Variants in FOXK1 observed in about 807,000 individuals in gnomAD.
The protein encoded by FOXK1 is forkhead box protein K1.
A neutral mutation model predicts 51.9 loss-of-function variants in FOXK1; 19 were observed. That is an observed-to-expected ratio of 0.37 (90% CI 0.26 to 0.54). The LOEUF (loss-of-function observed/expected upper bound fraction) is 0.54, where lower values mean the gene tolerates loss of function less well. FOXK1 is among the 20% of genes least tolerant of loss of function. FOXK1 has a pLI of 0.87. For missense variants in FOXK1, 870 were observed against 1,032.7 expected (o/e 0.84, Z 2.16); for synonymous variants, 537 against 482.6 (o/e 1.11, Z -1.48).
chr7:4,712,002 A>C (rs944016420), intron 1 of FOXK1, among the ~76,000 whole-genome samples: 1 of 150,614 alleles, frequency 6.6e-6, no homozygotes, highest in African/African-American at 2.4e-5. Context: ...GAGCCCACCA[A>C]GTCCGAAGCT....
In FOXK1 at chr7:4,756,999, T is replaced by C. The variant is rs1274455911; in HGVS notation, c.1056T>C (p.Ser352=). The change falls in exon 5 of 9, where the codon TCT becomes TCC. Residue 352 remains serine (S), a synonymous_variant. Transcript: ENST00000328914. The surrounding 1 kb of genome is among the most constrained non-coding windows in gnomAD (Gnocchi z 4.1). ...YRTADKGWQN[S]IRHNLSLNRY... ...ATATCTCTGCTTCCCTGCAGAATTC[T>C]ATCCGGCACAACCTCTCTTTGAACC... 6.2e-7 allele frequency: 1 copy of C among 1,613,516 alleles called. No homozygotes were observed. The highest frequency in any genetic ancestry group is 1.7e-5 in the Admixed American group (1 of 60,006).
At chr7:4,738,388 G>A (rs936548715) in intron 1 of FOXK1, among the ~76,000 whole-genome samples, 2 of 151,028 alleles carry the variant, frequency 1.3e-5, no homozygotes, top group Non-Finnish European at 2.9e-5. Flanking sequence ...AGTGAGCCAA[G>A]ATTGCGCCAT....
At chr7:4,704,881 G>C (rs144723411) in intron 1 of FOXK1, among the ~76,000 whole-genome samples, 2 of 142,794 alleles carry the variant, frequency 1.4e-5, no homozygotes, top group South Asian at 4.2e-4. Context: ...ACCCAGGCTG[G>C]AGTGCAGTGG....
At chr7:4,716,655 G>A (rs533143783) in intron 1 of FOXK1, among the ~76,000 whole-genome samples, 2 of 152,250 alleles carry the variant, frequency 1.3e-5, no homozygotes, top group African/African-American at 2.4e-5. Context: ...TCAAGACCCA[G>A]TGCTGCTCTT....
chr7:4,735,780 C>G lies in FOXK1; in HGVS notation c.561-5058C>G, dbSNP rs540570659. ...CAAAACGTGCTCGTTCAGACTCCAG[C>G]TAGAGCCCTGCACCTCCATCAAGAT... On this transcript the variant is annotated intron_variant, in intron 1 of 8. Coordinates refer to ENST00000328914, the MANE Select transcript of FOXK1 (RefSeq NM_001037165.2). The surrounding 1 kb of genome is among the most constrained non-coding windows in gnomAD (Gnocchi z 4.7). 2.6e-5 allele frequency among the ~76,000 whole-genome samples: 4 copies of G among 152,214 alleles called. No individual in the cohort carries two copies. Among genetic ancestry groups the G allele is most frequent in the Non-Finnish European group, 4.4e-5 (3 of 68,044 alleles).
At chr7:4,738,546 C>T (rs1026886006) in intron 1 of FOXK1, among the ~76,000 whole-genome samples, 2 of 152,124 alleles carry the variant, frequency 1.3e-5, no homozygotes. Flanking sequence ...GGACATCAGA[C>T]GTTCCTCTCA....
At chr7:4,705,705 A>G (rs1780080901) in intron 1 of FOXK1, among the ~76,000 whole-genome samples, 1 of 150,668 alleles carries the variant, frequency 6.6e-6, no homozygotes, top group Non-Finnish European at 1.5e-5. Flanking sequence ...TGCCCGGCTA[A>G]TTTTTGTATT....
intron 1 of FOXK1, among the ~76,000 whole-genome samples, chr7:4,713,938 T>C (rs1279240823): frequency 6.6e-6 from 1 of 151,976 alleles, no homozygotes; most frequent in Non-Finnish European, 1.5e-5. Flanking sequence ...TGATTTCTCC[T>C]GCCTCAGCCT....
Position 4,682,559 on chromosome 7 carries a change from C to A in FOXK1, c.251C>A (p.Ala84Glu). The A allele has an allele frequency of 8.5e-7, 1 of 1,172,048 alleles. No homozygotes were observed. The highest frequency in any genetic ancestry group is 1.0e-6 in the Non-Finnish European group (1 of 952,644). 72.6% of individuals were successfully genotyped at this position (1,172,048 alleles called of 1,614,324 possible). A position where few individuals can be genotyped will look rare whatever the true frequency, so the allele number is the denominator to read the frequency against. ...GGGGTATCCGGGGACTCCGCGGTCG[C>A]GGGCGCGGCGCCGGCCCTGGTGGCC... ...SSGVSGDSAVAGAAPALVAAA... is the reference protein window; with the variant it reads ...SSGVSGDSAVEGAAPALVAAA... The change falls in exon 1 of 9, where the codon GCG becomes GAG. Residue 84 changes from alanine to glutamate, a missense_variant. Around this residue, in one of 3 missense-constraint regions of FOXK1, gnomAD observed 399 missense variants for 475.6 expected, o/e 0.84. Coordinates refer to ENST00000328914, the MANE Select transcript of FOXK1 (RefSeq NM_001037165.2). The surrounding 1 kb of genome is among the most constrained non-coding windows in gnomAD (Gnocchi z 7.6).
intron 1 of FOXK1, among the ~76,000 whole-genome samples, chr7:4,691,472 T>G (rs578017635): frequency 1.5e-4 from 23 of 152,058 alleles, no homozygotes; most frequent in African/African-American, 4.8e-4. Flanking sequence ...GTAGCTGGAG[T>G]TACAGGTGCC....
At chr7:4,712,837 A>G (rs1780191827) in intron 1 of FOXK1, among the ~76,000 whole-genome samples, 1 of 152,198 alleles carries the variant, frequency 6.6e-6, no homozygotes, top group African/African-American at 2.4e-5. Flanking sequence ...CAGCGGCGTG[A>G]TGAGGATGGA....
In FOXK1 at chr7:4,765,935, ACTCT is replaced by A. The variant is rs1327848176; in HGVS notation, c.*3475_*3478del. The A allele has an allele frequency of 6.6e-6, 1 of 152,012 alleles. No individual in the cohort carries two copies. Among genetic ancestry groups the A allele is most frequent in the Non-Finnish European group, 1.5e-5 (1 of 68,014 alleles). The allele number at this position is 152,012 out of a possible 1,614,324, so 9.4% of individuals were successfully genotyped here. ...TAGGGCAGCAGCTGGCTCAGGGCAC[ACTCT>A]CTCGTGCCAGCTTCTGCCACCAGCC... On this transcript the variant is annotated 3_prime_UTR_variant, in exon 9 of 9. Transcript: ENST00000328914.
intron 1 of FOXK1, among the ~76,000 whole-genome samples, chr7:4,701,690 A>G (rs1158233299): frequency 6.6e-6 from 1 of 152,186 alleles, no homozygotes; most frequent in African/African-American, 2.4e-5. Flanking sequence ...TCAGGAGATC[A>G]AGACCATCCT....
At chr7:4,701,206 C>T (rs937797761) in intron 1 of FOXK1, among the ~76,000 whole-genome samples, 7 of 152,172 alleles carry the variant, frequency 4.6e-5, no homozygotes. Context: ...GGTTTGTTTT[C>T]TTGTGTTTTT....
At chr7:4,701,371 A>G (rs1000572911) in intron 1 of FOXK1, among the ~76,000 whole-genome samples, 7 of 152,206 alleles carry the variant, frequency 4.6e-5, no homozygotes, top group African/African-American at 1.7e-4. Context: ...TTTGATCTCA[A>G]AACAGTTCCC....
Position 4,711,167 on chromosome 7 carries a change from A to G in FOXK1, c.560+28299A>G, listed in dbSNP as rs1780169327. Among the ~76,000 whole-genome samples, 1 of 152,150 alleles carries G rather than the reference A, an allele frequency of 6.6e-6. No homozygotes were observed. The highest frequency in any genetic ancestry group is 1.9e-4 in the East Asian group (1 of 5,178). ...TACTCAAGCATGATGTCCGTTCCTGATGCCTTGCCCCGGGCAGCATGTGCC... is the reference window on the plus strand; with the variant it reads ...TACTCAAGCATGATGTCCGTTCCTGGTGCCTTGCCCCGGGCAGCATGTGCC... On this transcript the variant is annotated intron_variant, in intron 1 of 8. Transcript: ENST00000328914. This position sits in a 1 kb window ranked among gnomAD's most constrained non-coding sequence, Gnocchi z 6.3.
In FOXK1 at chr7:4,765,633, G is replaced by A. The variant is rs896292350; in HGVS notation, c.*3169G>A. 6.6e-6 allele frequency: 1 copy of A among 152,354 alleles called. No homozygotes were observed. 9.4% of individuals were successfully genotyped at this position (152,354 alleles called of 1,614,324 possible). A position where few individuals can be genotyped will look rare whatever the true frequency, so the allele number is the denominator to read the frequency against. ...ACTGGGGGCACGGTCCACAGCGGATGAGAACAGCAGGTCACAGTAGTGGCT... is the reference window on the plus strand; with the variant it reads ...ACTGGGGGCACGGTCCACAGCGGATAAGAACAGCAGGTCACAGTAGTGGCT... On this transcript the variant is annotated 3_prime_UTR_variant, in exon 9 of 9. Coordinates refer to ENST00000328914, the MANE Select transcript of FOXK1 (RefSeq NM_001037165.2).
At chr7:4,701,739 A>G (rs1448987632) in intron 1 of FOXK1, among the ~76,000 whole-genome samples, 1 of 152,178 alleles carries the variant, frequency 6.6e-6, no homozygotes, top group Non-Finnish European at 1.5e-5. Flanking sequence ...TAAAAATACA[A>G]AAAATTAGCC....
chr7:4,732,632 A>G (rs1780493151), intron 1 of FOXK1, among the ~76,000 whole-genome samples: 1 of 152,206 alleles, frequency 6.6e-6, no homozygotes, highest in African/African-American at 2.4e-5. Context: ...GCATAGTTTT[A>G]AATGGCCATA....
Sources: allele counts gnomAD v4.1 joint callset (sites outside exome capture counted in the v4.1 genomes callset), GRCh38; gene constraint gnomAD v4.1.1; regional missense constraint gnomAD v4.1.1; non-coding constraint Gnocchi (gnomAD v3.1); transcripts MANE v1.5; gene names NCBI Gene and HGNC (gene_info 2026-07-23, HGNC 2026-07-21).